The following CHST11 variants were observed in gnomAD, a reference collection of about 807,000 sequenced individuals.
CHST11 encodes carbohydrate sulfotransferase 11.
A neutral mutation model predicts 30.4 loss-of-function variants in CHST11; 9 were observed. That is an observed-to-expected ratio of 0.30 (90% CI 0.18 to 0.52). The LOEUF (loss-of-function observed/expected upper bound fraction) is 0.52, where lower values mean the gene tolerates loss of function less well. Among genes scored for constraint, CHST11 ranks in the 20% least tolerant of loss-of-function variants. The probability of loss-of-function intolerance (pLI) is 0.97; values close to 1 mark genes in which losing one functional copy is unlikely to be tolerated. For synonymous variants in CHST11, 152 were observed against 187.8 expected (o/e 0.81, Z 1.56); for missense variants, 348 against 460.6 (o/e 0.76, Z 2.24).
intron 2 of CHST11, among the ~76,000 whole-genome samples, chr12:104,752,784 C>T (rs1009167327): frequency 2.0e-5 from 3 of 152,228 alleles, no homozygotes; most frequent in African/African-American, 7.2e-5. Flanking sequence ...CCGCTGCTGC[C>T]TCCCAAAGTG....
At chr12:104,641,583 C>T (rs2039377646) in intron 2 of CHST11, among the ~76,000 whole-genome samples, 1 of 152,172 alleles carries the variant, frequency 6.6e-6, no homozygotes. Context: ...AGGGAAGTAT[C>T]CTGCTTCATT....
intron 1 of CHST11, among the ~76,000 whole-genome samples, chr12:104,583,558 C>T (rs2038769353): frequency 6.6e-6 from 1 of 152,168 alleles, no homozygotes; most frequent in Non-Finnish European, 1.5e-5. Context: ...CTGGGGCCTC[C>T]CCTATTCATT....
rs2037984932 is a variant in CHST11 at position 104,513,136 on chromosome 12, G to GT, written c.118+55607_118+55608insT. 2.1e-5 allele frequency among the ~76,000 whole-genome samples: 2 copies of GT among 95,430 alleles called. 1 individual carries two copies. Among genetic ancestry groups the GT allele is most frequent in the Non-Finnish European group, 4.3e-5 (2 of 46,924 alleles). 62.6% of individuals were successfully genotyped at this position (95,430 alleles called of 152,430 possible). ...AAATGTCATGACTGGGGGGGGGGGGGGTTGGGGGTGGGGAGGGAGGGAGAG... is the reference window on the plus strand; with the variant it reads ...AAATGTCATGACTGGGGGGGGGGGGGTGTTGGGGGTGGGGAGGGAGGGAGAG... On this transcript the variant is annotated intron_variant, in intron 1 of 2. Coordinates refer to ENST00000303694, the MANE Select transcript of CHST11 (RefSeq NM_018413.6).
chr12:104,564,649 C>T (rs1367263598), intron 1 of CHST11, among the ~76,000 whole-genome samples: 3 of 152,088 alleles, frequency 2.0e-5, no homozygotes, highest in African/African-American at 7.2e-5. Flanking sequence ...CTCTTTTTTC[C>T]CCAAGTCTGC....
intron 1 of CHST11, among the ~76,000 whole-genome samples, chr12:104,601,694 G>C (rs1163908971): frequency 6.6e-6 from 1 of 152,206 alleles, no homozygotes; most frequent in Non-Finnish European, 1.5e-5. Flanking sequence ...GCATGATCTA[G>C]ATCCTTCTGG....
intron 1 of CHST11, among the ~76,000 whole-genome samples, chr12:104,553,920 C>T (rs931288464): frequency 6.6e-6 from 1 of 152,136 alleles, no homozygotes; most frequent in Non-Finnish European, 1.5e-5. Context: ...TCTCTGGCCT[C>T]AGTGAAGGTA....
chr12:104,490,674 G>T (rs1406311963), intron 1 of CHST11, among the ~76,000 whole-genome samples: 2 of 152,170 alleles, frequency 1.3e-5, no homozygotes, highest in African/African-American at 4.8e-5. Context: ...CTGAACATTG[G>T]TCAGGGGAAT....
chr12:104,471,607 G>A (rs905851365), intron 1 of CHST11, among the ~76,000 whole-genome samples: 20 of 152,168 alleles, frequency 1.3e-4, no homozygotes, highest in Non-Finnish European at 2.5e-4. Flanking sequence ...CAAGACTTCT[G>A]TAGAGCAACA....
At chr12:104,490,769 C>T (rs567192964) in intron 1 of CHST11, among the ~76,000 whole-genome samples, 12 of 152,214 alleles carry the variant, frequency 7.9e-5, no homozygotes, top group Admixed American at 3.9e-4. Flanking sequence ...AAAAAGTCAG[C>T]GTGGCACGTT....
intron 1 of CHST11, among the ~76,000 whole-genome samples, chr12:104,475,021 G>T (rs767582973): frequency 6.6e-6 from 1 of 152,126 alleles, no homozygotes; most frequent in African/African-American, 2.4e-5. Flanking sequence ...CAACAATTTT[G>T]CAGTTGACTA....
chr12:104,609,273 G>A (rs929587055), intron 2 of CHST11, among the ~76,000 whole-genome samples: 14 of 152,222 alleles, frequency 9.2e-5, no homozygotes, highest in Admixed American at 2.0e-4. Flanking sequence ...GTTGTAGACC[G>A]ACTCCTTATG....
intron 2 of CHST11, among the ~76,000 whole-genome samples, chr12:104,623,676 A>C (rs990193173): frequency 1.1e-4 from 17 of 151,478 alleles, no homozygotes; most frequent in Non-Finnish European, 2.4e-4. Context: ...CGCCACTGTC[A>C]CCCAGCCGAG....
At chr12:104,611,799 GGGC>G (rs2039062212) in intron 2 of CHST11, among the ~76,000 whole-genome samples, 1 of 152,222 alleles carries the variant, frequency 6.6e-6, no homozygotes, top group African/African-American at 2.4e-5. Flanking sequence ...TATTGTGGAA[GGGC>G]TAACACTTTG....
intron 2 of CHST11, among the ~76,000 whole-genome samples, chr12:104,716,007 C>T (rs926628578): frequency 3.3e-5 from 5 of 152,168 alleles, no homozygotes; most frequent in Admixed American, 6.5e-5. Context: ...TCAGCAGGCT[C>T]GGCTTGGCTC....
At chr12:104,599,206 G>T (rs2038934960) in intron 1 of CHST11, among the ~76,000 whole-genome samples, 1 of 152,190 alleles carries the variant, frequency 6.6e-6, no homozygotes, top group Non-Finnish European at 1.5e-5. Context: ...TGAAGTCACG[G>T]GCAGGGCTGA....
At chr12:104,732,024 G>C (rs2040261885) in intron 2 of CHST11, among the ~76,000 whole-genome samples, 1 of 152,246 alleles carries the variant, frequency 6.6e-6, no homozygotes, top group South Asian at 2.1e-4. Context: ...CCTCCCCTCT[G>C]TCCTAGGGCA....
chr12:104,665,402 A>G (rs1010309787), intron 2 of CHST11, among the ~76,000 whole-genome samples: 1 of 152,178 alleles, frequency 6.6e-6, no homozygotes, highest in East Asian at 1.9e-4. Flanking sequence ...TAGTCCAGAA[A>G]GTCTTGTTTC....
intron 2 of CHST11, among the ~76,000 whole-genome samples, chr12:104,668,297 G>A (rs2039659908): frequency 6.6e-6 from 1 of 152,142 alleles, no homozygotes; most frequent in South Asian, 2.1e-4. Context: ...CATGATACAT[G>A]TTAACTCACT....
intron 1 of CHST11, among the ~76,000 whole-genome samples, chr12:104,510,096 ACTT>A (rs1245007005): frequency 1.3e-5 from 2 of 152,154 alleles, no homozygotes; most frequent in African/African-American, 2.4e-5. Flanking sequence ...GGTCCCCATC[ACTT>A]CTTCTCCCAT....
Sources: allele counts gnomAD v4.1 joint callset (sites outside exome capture counted in the v4.1 genomes callset), GRCh38; gene constraint gnomAD v4.1.1; transcripts MANE v1.5; gene names NCBI Gene and HGNC (gene_info 2026-07-23, HGNC 2026-07-21).